The following ZNHIT6 variants were observed in gnomAD, a reference collection of about 807,000 sequenced individuals.
ZNHIT6 encodes the protein box C/D snoRNA protein 1.
In ZNHIT6, 45 loss-of-function variants were observed where a neutral mutation model predicts 57.2. The observed-to-expected ratio is 0.79, with a 90% CI of 0.62 to 1.01. The LOEUF (loss-of-function observed/expected upper bound fraction) is 1.01, where lower values mean the gene tolerates loss of function less well. Among genes scored for constraint, ZNHIT6 ranks in the 50% least tolerant of loss-of-function variants. The probability of loss-of-function intolerance (pLI) is 0.00; values close to 1 mark genes in which losing one functional copy is unlikely to be tolerated. For missense variants in ZNHIT6, 528 were observed against 567.3 expected (o/e 0.93, Z 0.70); for synonymous variants, 188 against 190.0 (o/e 0.99, Z 0.09).
chr1:85,697,005 C>T (rs1012077526), intron 5 of ZNHIT6, among the ~76,000 whole-genome samples: 10 of 149,458 alleles, frequency 6.7e-5, no homozygotes, highest in Admixed American at 4.7e-4. Context: ...GGACTACAGG[C>T]GCCCGCCACC....
chr1:85,703,356 A>G (rs907891918), intron 4 of ZNHIT6, among the ~76,000 whole-genome samples: 14 of 152,230 alleles, frequency 9.2e-5, no homozygotes, highest in African/African-American at 3.4e-4. Context: ...TACTCTAGAA[A>G]AAAAGTGGGA....
At chr1:85,668,182 CTAT>C (rs901338878) in intron 8 of ZNHIT6, among the ~76,000 whole-genome samples, 14 of 151,276 alleles carry the variant, frequency 9.3e-5, no homozygotes, top group African/African-American at 3.2e-4. Flanking sequence ...ATAATTTTAA[CTAT>C]TATTAACATC....
chr1:85,669,968 C>G (rs1010793195), intron 8 of ZNHIT6, among the ~76,000 whole-genome samples: 2 of 152,106 alleles, frequency 1.3e-5, no homozygotes, highest in Non-Finnish European at 2.9e-5. Context: ...TCAATCTTAA[C>G]TGATACTTTA....
Position 85,706,108 on chromosome 1 carries a change from A to C in ZNHIT6, c.885T>G (p.Ala295=). The C allele has an allele frequency of 6.2e-7, 1 of 1,613,824 alleles. No individual in the cohort carries two copies. Residue 295 remains alanine, a synonymous_variant, in exon 4 of 10, where the codon GCT becomes GCG. Coordinates refer to ENST00000370574, the MANE Select transcript of ZNHIT6 (RefSeq NM_017953.4). The part of the protein sequence containing the change: ...ARTADHISRD[A]FLKRPISNKY... Reference sequence around the variant, plus strand: ...TATTGCTTATTGGTCTCTTCAAAAAAGCATCTCTAGAAATATGGTCCGCTG... The same window carrying C: ...TATTGCTTATTGGTCTCTTCAAAAACGCATCTCTAGAAATATGGTCCGCTG...
At chr1:85,664,827 CTGT>C (rs1484009680) in intron 8 of ZNHIT6, among the ~76,000 whole-genome samples, 1 of 151,880 alleles carries the variant, frequency 6.6e-6, no homozygotes, top group South Asian at 2.1e-4. Flanking sequence ...CTCTCTCGTT[CTGT>C]TGTTGTTTTG....
At chr1:85,673,118 A>C (rs1169886502) in intron 8 of ZNHIT6, among the ~76,000 whole-genome samples, 1 of 152,142 alleles carries the variant, frequency 6.6e-6, no homozygotes, top group Non-Finnish European at 1.5e-5. Context: ...AAGGCGGCAA[A>C]GGGCAAGAAT....
rs1661779723 is a variant in ZNHIT6 at position 85,678,788 on chromosome 1, A to C, written c.1089-7T>G. 7.0e-7 allele frequency: 1 copy of C among 1,437,800 alleles called. No homozygotes were observed. The highest frequency in any genetic ancestry group is 2.4e-5 in the Admixed American group (1 of 41,418). The allele number at this position is 1,437,800 out of a possible 1,614,324, so 89.1% of individuals were successfully genotyped here. A position where few individuals can be genotyped will look rare whatever the true frequency, so the allele number is the denominator to read the frequency against. ...AGTTTTATCATCTGGTACTCTTTAC[A>C]ACAAAGAAAAAAAAACAAGCTATAT... On this transcript the variant is annotated splice_region_variant and splice_polypyrimidine_tract_variant and intron_variant, in intron 6 of 9. Coordinates refer to ENST00000370574, the MANE Select transcript of ZNHIT6 (RefSeq NM_017953.4).
chr1:85,698,048 T>G (rs1662427247), intron 5 of ZNHIT6, among the ~76,000 whole-genome samples: 1 of 152,124 alleles, frequency 6.6e-6, no homozygotes, highest in South Asian at 2.1e-4. Flanking sequence ...GAGCCAACAT[T>G]TCCTTATCAA....
chr1:85,697,923 C>T (rs1662421765), intron 5 of ZNHIT6, among the ~76,000 whole-genome samples: 1 of 152,192 alleles, frequency 6.6e-6, no homozygotes, highest in South Asian at 2.1e-4. Flanking sequence ...TTGATTAGTA[C>T]TGGGTGAAAG....
chr1:85,652,696 C>T lies in ZNHIT6; in HGVS notation c.*1362G>A, dbSNP rs999768608. On this transcript the variant is annotated 3_prime_UTR_variant, in exon 10 of 10. Coordinates refer to ENST00000370574, the MANE Select transcript of ZNHIT6 (RefSeq NM_017953.4). ...GATCTTTTTAAGTCTCCTTAACTAA[C>T]GTCTCTGGTTTCTTTTTGGTAAAAA... The T allele has an allele frequency of 3.9e-5, 6 of 152,160 alleles. No individual in the cohort carries two copies. The highest frequency in any genetic ancestry group is 1.4e-4 in the African/African-American group (6 of 41,454). 9.4% of individuals were successfully genotyped at this position (152,160 alleles called of 1,614,324 possible). A position where few individuals can be genotyped will look rare whatever the true frequency, so the allele number is the denominator to read the frequency against.
rs898971164 is a variant in ZNHIT6, at chr1:85,653,034, A to C, written c.*1024T>G. 2.6e-5 allele frequency: 4 copies of C among 152,172 alleles called. No individual in the cohort carries two copies. Among genetic ancestry groups the C allele is most frequent in the African/African-American group, 9.7e-5 (4 of 41,440 alleles). The allele number at this position is 152,172 out of a possible 1,614,324, so 9.4% of individuals were successfully genotyped here. On this transcript the variant is annotated 3_prime_UTR_variant, in exon 10 of 10. Coordinates refer to ENST00000370574, the MANE Select transcript of ZNHIT6 (RefSeq NM_017953.4). ...TTTTCTTTAAGTTATTGCTAGACATATCAAAACACAGTATAAAACTGGTCA... is the reference window on the plus strand; with the variant it reads ...TTTTCTTTAAGTTATTGCTAGACATCTCAAAACACAGTATAAAACTGGTCA...
At chr1:85,655,731 T>C (rs373742612) in intron 9 of ZNHIT6, among the ~76,000 whole-genome samples, 9 of 152,100 alleles carry the variant, frequency 5.9e-5, no homozygotes, top group African/African-American at 2.2e-4. Flanking sequence ...TGGACTGATA[T>C]AAGGTAGGTA....
intron 4 of ZNHIT6, among the ~76,000 whole-genome samples, chr1:85,703,568 G>C (rs1255104770): frequency 2.0e-5 from 3 of 152,116 alleles, no homozygotes; most frequent in Non-Finnish European, 4.4e-5. Context: ...AATGGTGCTG[G>C]GAAAAGTGGA....
At chr1:85,661,700 A>G (rs1327346417) in intron 8 of ZNHIT6, among the ~76,000 whole-genome samples, 1 of 152,196 alleles carries the variant, frequency 6.6e-6, no homozygotes, top group African/African-American at 2.4e-5. Flanking sequence ...TGCACTGCCT[A>G]AAACACTTAG....
intron 4 of ZNHIT6, among the ~76,000 whole-genome samples, chr1:85,705,154 T>G (rs1662648063): frequency 1.3e-5 from 2 of 152,214 alleles, no homozygotes; most frequent in South Asian, 4.1e-4. Flanking sequence ...AAGGCAAATT[T>G]ATGTTCAAAA....
In ZNHIT6 at chr1:85,678,795, A is replaced by G. The variant is rs1158108977; in HGVS notation, c.1089-14T>C. 2 of 1,334,046 alleles carry G rather than the reference A, an allele frequency of 1.5e-6. No homozygotes were observed. The highest frequency in any genetic ancestry group is 2.0e-6 in the Non-Finnish European group (2 of 979,562). 82.6% of individuals were successfully genotyped at this position (1,334,046 alleles called of 1,614,324 possible). ...TCATCTGGTACTCTTTACAACAAAG[A>G]AAAAAAAACAAGCTATATTAGTATT... is the stretch of plus-strand genomic sequence containing the variant. On this transcript the variant is annotated splice_polypyrimidine_tract_variant and intron_variant, in intron 6 of 9. Coordinates refer to ENST00000370574, the MANE Select transcript of ZNHIT6 (RefSeq NM_017953.4).
chr1:85,668,829 C>T (rs1661461788), intron 8 of ZNHIT6, among the ~76,000 whole-genome samples: 1 of 152,120 alleles, frequency 6.6e-6, no homozygotes, highest in Admixed American at 6.5e-5. Flanking sequence ...ACAACTTCAA[C>T]AACTCAACTG....
At position 85,655,598 on chromosome 1, in the gene ZNHIT6, T is replaced by C. The variant is rs541658725; in HGVS notation, c.1373-1500A>G. On this transcript the variant is annotated intron_variant, in intron 9 of 9. Transcript: ENST00000370574. ...CTATTGAAGGTGCCCAGTTTTCTTC[T>C]TTGAATAGGGTTCCATTCTTTTTTC... 1.6e-3 allele frequency among the ~76,000 whole-genome samples: 237 copies of C among 152,312 alleles called. 1 individual carries two copies. The highest frequency in any genetic ancestry group is 2.1e-3 in the Non-Finnish European group (141 of 68,024).
chr1:85,673,794 C>A (rs983640840), intron 8 of ZNHIT6, among the ~76,000 whole-genome samples: 3 of 151,658 alleles, frequency 2.0e-5, no homozygotes, highest in Admixed American at 6.6e-5. Flanking sequence ...ATGTACCAAT[C>A]AAATGTAAAT....
Sources: allele counts gnomAD v4.1 joint callset (sites outside exome capture counted in the v4.1 genomes callset), GRCh38; gene constraint gnomAD v4.1.1; transcripts MANE v1.5; gene names NCBI Gene and HGNC (gene_info 2026-07-23, HGNC 2026-07-21).